The following ATP8A2 variants were observed in gnomAD, a reference collection of about 807,000 sequenced individuals.
The protein encoded by ATP8A2 is ATPase phospholipid transporting 8A2.
In ATP8A2, 100 loss-of-function variants were observed where a neutral mutation model predicts 165.6. The ratio of observed to expected loss-of-function variants is 0.60; its 90% CI spans 0.51 to 0.71. ATP8A2 has a LOEUF of 0.71. Among genes scored for constraint, ATP8A2 ranks in the 30% least tolerant of loss-of-function variants. The pLI is 0.00. For synonymous variants in ATP8A2, 543 were observed against 548.8 expected, an observed-to-expected ratio of 0.99 and a Z score of 0.15; for missense variants, 1,227 against 1,479.5, an observed-to-expected ratio of 0.83 and a Z score of 2.80.
chr13:25,506,959 A>C (rs866451493), intron 2 of ATP8A2, among the ~76,000 whole-genome samples: 1 of 145,946 alleles, frequency 6.9e-6, no homozygotes, highest in Non-Finnish European at 1.5e-5. Context: ...ATATATATAT[A>C]TATCTTATTT....
intron 33 of ATP8A2, among the ~76,000 whole-genome samples, chr13:25,933,268 G>A (rs114550490): frequency 0.01 from 1,550 of 152,268 alleles, 24 homozygotes; most frequent in African/African-American, 0.035. Context: ...CTCGCTTGGC[G>A]GGGATGTTCT....
chr13:25,818,187 A>G (rs1271666174), intron 27 of ATP8A2, among the ~76,000 whole-genome samples: 2 of 152,204 alleles, frequency 1.3e-5, no homozygotes, highest in Non-Finnish European at 2.9e-5. Context: ...ATTTTGTTGT[A>G]CAAAATGGGG....
intron 2 of ATP8A2, among the ~76,000 whole-genome samples, chr13:25,503,522 C>T (rs2036923782): frequency 6.6e-6 from 1 of 152,068 alleles, no homozygotes; most frequent in African/African-American, 2.4e-5. Flanking sequence ...GATCCAAATC[C>T]ACAAGAACTC....
chr13:25,481,952 G>A (rs1223468126), intron 2 of ATP8A2, among the ~76,000 whole-genome samples: 1 of 152,066 alleles, frequency 6.6e-6, no homozygotes, highest in Non-Finnish European at 1.5e-5. Context: ...ATCACATTGG[G>A]GGTTAGGGCT....
Position 25,845,167 on chromosome 13 carries a change from G to A in ATP8A2, c.2956+5543G>A, listed in dbSNP as rs749079290. On this transcript the variant is annotated intron_variant, in intron 30 of 36. Coordinates refer to ENST00000381655, the MANE Select transcript of ATP8A2 (RefSeq NM_016529.6). ...TGCCATGGTCTGCCTGCAGCTCCTC[G>A]CCTTTGATCTGGAAAGCGATGCTAG... 2.0e-5 allele frequency among the ~76,000 whole-genome samples: 3 copies of A among 152,036 alleles called. No individual in the cohort carries two copies. The South Asian group carries it at 6.2e-4, about 32-fold the overall frequency.
At chr13:25,761,182 A>T (rs73154579) in intron 25 of ATP8A2, among the ~76,000 whole-genome samples, 2 of 152,228 alleles carry the variant, frequency 1.3e-5, no homozygotes, top group East Asian at 3.8e-4. Flanking sequence ...TGTTTCAGCC[A>T]TACCAAAATA....
At chr13:25,463,837 C>T (rs1037694008) in intron 1 of ATP8A2, among the ~76,000 whole-genome samples, 1 of 152,180 alleles carries the variant, frequency 6.6e-6, no homozygotes, top group African/African-American at 2.4e-5. Context: ...TGTCCCTCCC[C>T]TTCCACCCCC....
At chr13:25,904,942 A>G (rs941603124) in intron 33 of ATP8A2, among the ~76,000 whole-genome samples, 10 of 152,324 alleles carry the variant, frequency 6.6e-5, no homozygotes, top group Non-Finnish European at 1.2e-4. Context: ...TATTGATGTG[A>G]GGTATCTCTT....
chr13:25,731,874 C>T (rs61947342), intron 25 of ATP8A2, among the ~76,000 whole-genome samples: 20,157 of 152,184 alleles, frequency 0.13, 2,090 homozygotes, highest in African/African-American at 0.29. Context: ...TTATTTCATT[C>T]ATATTGAAGG....
At chr13:25,494,077 C>T (rs990295282) in intron 2 of ATP8A2, among the ~76,000 whole-genome samples, 1 of 151,776 alleles carries the variant, frequency 6.6e-6, no homozygotes, top group Non-Finnish European at 1.5e-5. Flanking sequence ...TGGGGTAGGG[C>T]GGAGAGTTTG....
chr13:25,708,413 T>A (rs78556296), intron 25 of ATP8A2, among the ~76,000 whole-genome samples: 1 of 152,176 alleles, frequency 6.6e-6, no homozygotes, highest in Admixed American at 6.5e-5. Flanking sequence ...CTGACAACAC[T>A]GACACCTTTC....
At chr13:25,766,029 TAAG>T (rs1372380267) in intron 25 of ATP8A2, among the ~76,000 whole-genome samples, 3 of 152,302 alleles carry the variant, frequency 2.0e-5, no homozygotes, top group East Asian at 3.9e-4. Flanking sequence ...CATACGGACT[TAAG>T]GAGGAGTCGC....
Position 25,574,997 on chromosome 13 carries a change from T to C in ATP8A2, c.1712+140T>C, listed in dbSNP as rs2039576895. ...TAATAAATGTATCTCCATAAACTCT[T>C]TTCTTCTTGGAATTTGTGACTTTCA... On this transcript the variant is annotated intron_variant, in intron 19 of 36. Coordinates refer to ENST00000381655, the MANE Select transcript of ATP8A2 (RefSeq NM_016529.6). The C allele has an allele frequency of 1.7e-5, 8 of 465,864 alleles. No individual in the cohort carries two copies. The East Asian group carries it at 2.5e-4, about 14-fold the overall frequency. The allele number at this position is 465,864 out of a possible 1,614,324, so 28.9% of individuals were successfully genotyped here.
intron 1 of ATP8A2, among the ~76,000 whole-genome samples, chr13:25,388,221 A>G (rs2033124219): frequency 2.0e-5 from 3 of 152,108 alleles, no homozygotes; most frequent in Non-Finnish European, 4.4e-5. Flanking sequence ...GAAGGAAGGG[A>G]TAAAGGAAGT....
chr13:25,448,627 G>T (rs1220105156), intron 1 of ATP8A2, among the ~76,000 whole-genome samples: 1 of 152,066 alleles, frequency 6.6e-6, no homozygotes, highest in Non-Finnish European at 1.5e-5. Flanking sequence ...TGAAGACAGA[G>T]GATAATTTAA....
chr13:25,708,081 A>G (rs2137962898), intron 25 of ATP8A2, among the ~76,000 whole-genome samples: 1 of 152,194 alleles, frequency 6.6e-6, no homozygotes, highest in South Asian at 2.1e-4. Flanking sequence ...TTACTTCATC[A>G]GTGCATGTCA....
Position 25,455,857 on chromosome 13 carries a change from A to C in ATP8A2, c.77-13120A>C, listed in dbSNP as rs528377184. ...TTCTACTTTCTTGTAATTTTGTACA[A>C]GTTTCCACTACTAGATCATTTTGGT... is the stretch of plus-strand genomic sequence containing the variant. On this transcript the variant is annotated intron_variant, in intron 1 of 36. Transcript: ENST00000381655. Among the ~76,000 whole-genome samples, 12 of 152,314 alleles carry C rather than the reference A, an allele frequency of 7.9e-5. No individual in the cohort carries two copies. The South Asian group carries it at 2.5e-3, about 32-fold the overall frequency.
chr13:25,499,668 A>AT (rs2036789886), intron 2 of ATP8A2, among the ~76,000 whole-genome samples: 2 of 152,072 alleles, frequency 1.3e-5, no homozygotes, highest in African/African-American at 2.4e-5. Flanking sequence ...ATTATCTCAA[A>AT]CTCTGCCAAA....
chr13:25,508,020 A>T (rs1349608763), intron 2 of ATP8A2, among the ~76,000 whole-genome samples: 1 of 152,222 alleles, frequency 6.6e-6, no homozygotes, highest in East Asian at 1.9e-4. Flanking sequence ...CTTGATTAGC[A>T]GTCAAGGAAA....
Sources: gnomAD v4.1 joint callset for allele counts (sites outside exome capture counted in the v4.1 genomes callset) on GRCh38, gnomAD v4.1.1 for gene constraint, MANE v1.5 for transcripts, NCBI Gene and HGNC (gene_info 2026-07-23, HGNC 2026-07-21) for gene names.